Variants in RALGPS2 observed in about 807,000 individuals in gnomAD.
RALGPS2 encodes the protein Ral GEF with PH domain and SH3 binding motif 2.
Under a neutral mutation model 86.8 loss-of-function variants are expected in RALGPS2, and 43 were observed. That is an observed-to-expected ratio of 0.50 (90% CI 0.39 to 0.64). The LOEUF (loss-of-function observed/expected upper bound fraction) is 0.64, where lower values mean the gene tolerates loss of function less well. Among genes scored for constraint, RALGPS2 ranks in the 30% least tolerant of loss-of-function variants. The pLI is 0.00. For missense variants in RALGPS2, 536 were observed against 694.6 expected (o/e 0.77, Z 2.57); for synonymous variants, 243 against 231.3 (o/e 1.05, Z -0.46).
At chr1:178,783,782 T>G (rs1401899353) in intron 2 of RALGPS2, among the ~76,000 whole-genome samples, 1 of 152,164 alleles carries the variant, frequency 6.6e-6, no homozygotes, top group African/African-American at 2.4e-5. Flanking sequence ...ACAGACGAAG[T>G]GGAAAATTTT....
chr1:178,897,761 G>A lies in RALGPS2; in HGVS notation c.1524+5G>A, dbSNP rs1660010628. The A allele has an allele frequency of 6.2e-7, 1 of 1,603,588 alleles. No individual in the cohort carries two copies. ...AAGGCTACCGAAAGAAAACATGTAA[G>A]TATTTGTTCTCTACATTTTTAGCGT... On this transcript the variant is annotated splice_donor_5th_base_variant and intron_variant, in intron 17 of 19. Transcript: ENST00000367635.
At chr1:178,906,429 A>G (rs1364560595) in intron 18 of RALGPS2, among the ~76,000 whole-genome samples, 6 of 152,156 alleles carry the variant, frequency 3.9e-5, no homozygotes, top group Non-Finnish European at 8.8e-5. Context: ...TTCAGAACCA[A>G]TATTCTGCAG....
In RALGPS2 at chr1:178,792,264, G is replaced by C. The variant is rs111463220; in HGVS notation, c.213+6657G>C. ...AGGAATCTAATTACATAGAAAAAAA[G>C]TTCACTCATATTTTGTTAAGTTTTT... On this transcript the variant is annotated intron_variant, in intron 4 of 19. Transcript: ENST00000367635. 3.8e-3 allele frequency among the ~76,000 whole-genome samples: 572 copies of C among 152,176 alleles called. 5 individuals are homozygous for C. The highest frequency in any genetic ancestry group is 0.013 in the African/African-American group (545 of 41,512).
intron 16 of RALGPS2, among the ~76,000 whole-genome samples, chr1:178,897,287 A>G (rs1659992641): frequency 1.3e-5 from 2 of 152,100 alleles, no homozygotes; most frequent in South Asian, 4.1e-4. Context: ...TCAGGAAACA[A>G]CAGGTGCTGG....
intron 1 of RALGPS2, chr1:178,753,589 C>T (rs1221962297): frequency 6.6e-6 from 1 of 152,134 alleles, no homozygotes; most frequent in Non-Finnish European, 1.5e-5. Flanking sequence ...TTGGTGGTAA[C>T]AGTTGTACTT....
chr1:178,872,247 C>T (rs1203109150), intron 8 of RALGPS2, among the ~76,000 whole-genome samples: 1 of 152,170 alleles, frequency 6.6e-6, no homozygotes, highest in African/African-American at 2.4e-5. Flanking sequence ...AAAGTCTGAG[C>T]TTATTTTCTA....
intron 8 of RALGPS2, among the ~76,000 whole-genome samples, chr1:178,844,289 C>T (rs548579154): frequency 1.3e-5 from 2 of 152,242 alleles, no homozygotes; most frequent in Non-Finnish European, 2.9e-5. Flanking sequence ...GATTTCTTAA[C>T]ATGAGGTATA....
intron 8 of RALGPS2, among the ~76,000 whole-genome samples, chr1:178,855,924 T>A (rs1016423894): frequency 6.7e-6 from 1 of 149,528 alleles, no homozygotes; most frequent in Non-Finnish European, 1.5e-5. Flanking sequence ...ATACACGAAT[T>A]ACATTGAATA....
intron 1 of RALGPS2, among the ~76,000 whole-genome samples, chr1:178,739,198 A>T (rs996968744): frequency 1.3e-5 from 2 of 152,184 alleles, no homozygotes; most frequent in Admixed American, 1.3e-4. Flanking sequence ...AAAGAGCAAC[A>T]TTTTGAGGAT....
intron 8 of RALGPS2, among the ~76,000 whole-genome samples, chr1:178,855,932 A>G (rs1310011562): frequency 6.7e-6 from 1 of 149,246 alleles, no homozygotes; most frequent in Non-Finnish European, 1.5e-5. Flanking sequence ...ATTACATTGA[A>G]TATATATACA....
At position 178,916,390 on chromosome 1, in the gene RALGPS2, T is replaced by G; in HGVS notation, c.*31T>G. 1.3e-6 allele frequency: 2 copies of G among 1,579,886 alleles called. No homozygotes were observed. The highest frequency in any genetic ancestry group is 1.7e-4 in the Middle Eastern group (1 of 5,974). ...TGAGAAAAAAAGAGAGGTGAACTGTTGCTTCTACGTGAGCATGAGGACCTG... is the reference window on the plus strand; with the variant it reads ...TGAGAAAAAAAGAGAGGTGAACTGTGGCTTCTACGTGAGCATGAGGACCTG... On this transcript the variant is annotated 3_prime_UTR_variant, in exon 20 of 20. Coordinates refer to ENST00000367635, the MANE Select transcript of RALGPS2 (RefSeq NM_152663.5).
chr1:178,849,929 T>A (rs80350662), intron 8 of RALGPS2: 6,253 of 152,420 alleles, frequency 0.041, 176 homozygotes, highest in African/African-American at 0.073. Context: ...TTCACAAATA[T>A]ATTAAGGCAA....
At position 178,916,349 on chromosome 1, in the gene RALGPS2, C is replaced by G; in HGVS notation, c.1742C>G (p.Thr581Ser). ...TTTTAGGTTCCTACAAACTTGATGA[C>G]TTTTGAGTAGAAGCCTGAGAAAAAA... ...NKQQVPTNLM[T>S]FE The change falls in exon 20 of 20, where the codon ACT becomes AGT. Residue 581 changes from threonine to serine, a missense_variant. By Grantham distance (58) the Thr-to-Ser change is moderately conservative. Around this residue, in one of 3 missense-constraint regions of RALGPS2, gnomAD observed 309 missense variants for 363.0 expected, o/e 0.85. Transcript: ENST00000367635. The G allele has an allele frequency of 6.2e-7, 1 of 1,602,564 alleles. No homozygotes were observed. Among genetic ancestry groups the G allele is most frequent in the South Asian group, 1.1e-5 (1 of 90,518 alleles).
chr1:178,742,741 G>A (rs1364420252), intron 1 of RALGPS2, among the ~76,000 whole-genome samples: 1 of 152,192 alleles, frequency 6.6e-6, no homozygotes, highest in East Asian at 1.9e-4. Flanking sequence ...AAAGGGTTGA[G>A]ATCCTTCAAA....
At chr1:178,912,891 T>G (rs1660676175) in intron 19 of RALGPS2, among the ~76,000 whole-genome samples, 1 of 152,216 alleles carries the variant, frequency 6.6e-6, no homozygotes. Flanking sequence ...TTTTTTTCTT[T>G]AATGTTTGTC....
chr1:178,852,326 G>A (rs1657226005), intron 8 of RALGPS2, among the ~76,000 whole-genome samples: 1 of 152,144 alleles, frequency 6.6e-6, no homozygotes, highest in Non-Finnish European at 1.5e-5. Flanking sequence ...CCAAAGGGCG[G>A]GAACTTTGTT....
Position 178,741,140 on chromosome 1 carries a change from A to G in RALGPS2, c.-84+15721A>G, listed in dbSNP as rs1651002358. Among the ~76,000 whole-genome samples the G allele has an allele frequency of 2.0e-5, 3 of 152,354 alleles. No homozygotes were observed. The East Asian group carries it at 5.8e-4, about 29-fold the overall frequency. Reference sequence around the variant, plus strand: ...AGTAACCTTGTGTGGGAGCTGTGTAAACAAGATAAGGTATAGGGAGTTAGA... The same window carrying G: ...AGTAACCTTGTGTGGGAGCTGTGTAGACAAGATAAGGTATAGGGAGTTAGA... On this transcript the variant is annotated intron_variant, in intron 1 of 19. Coordinates refer to ENST00000367635, the MANE Select transcript of RALGPS2 (RefSeq NM_152663.5).
chr1:178,830,150 C>T (rs1655946858), intron 7 of RALGPS2, among the ~76,000 whole-genome samples: 1 of 152,086 alleles, frequency 6.6e-6, no homozygotes, highest in Non-Finnish European at 1.5e-5. Context: ...ATAATAATTT[C>T]ATTATATATG....
chr1:178,889,233 A>G (rs191582551), intron 13 of RALGPS2, among the ~76,000 whole-genome samples: 1 of 152,164 alleles, frequency 6.6e-6, no homozygotes, highest in East Asian at 1.9e-4. Flanking sequence ...TAGGGTAGTA[A>G]TGGACTTTAA....
Sources: gnomAD v4.1 joint callset for allele counts (sites outside exome capture counted in the v4.1 genomes callset) on GRCh38, gnomAD v4.1.1 for gene constraint, gnomAD v4.1.1 regional missense constraint, MANE v1.5 for transcripts, NCBI Gene and HGNC (gene_info 2026-07-23, HGNC 2026-07-21) for gene names.